Variants in EFR3B observed in about 807,000 individuals in gnomAD.
The protein encoded by EFR3B is protein EFR3 homolog B.
Under a neutral mutation model 104.7 loss-of-function variants are expected in EFR3B, and 64 were observed. That is an observed-to-expected ratio of 0.61 (90% CI 0.50 to 0.75). The LOEUF (loss-of-function observed/expected upper bound fraction) is 0.75. EFR3B is among the 30% of genes least tolerant of loss of function. The pLI is 0.00. For synonymous variants in EFR3B, 385 were observed against 417.9 expected (o/e 0.92, Z 0.96); for missense variants, 750 against 1,078.5 (o/e 0.70, Z 4.27).
chr2:25,052,852 G>A (rs569339156), intron 1 of EFR3B, among the ~76,000 whole-genome samples: 1 of 152,220 alleles, frequency 6.6e-6, no homozygotes, highest in African/African-American at 2.4e-5. Flanking sequence ...AAATTTGTCT[G>A]TACTAAGCAG....
chr2:25,111,048 G>A (rs1669712355), intron 4 of EFR3B, among the ~76,000 whole-genome samples: 1 of 152,154 alleles, frequency 6.6e-6, no homozygotes, highest in African/African-American at 2.4e-5. Flanking sequence ...CCTGTCTCTT[G>A]TATTTCCTGC....
At position 25,051,623 on chromosome 2, in the gene EFR3B, TTG is replaced by T. The variant is rs71392994; in HGVS notation, c.7+9318_7+9319del. Among the ~76,000 whole-genome samples the T allele has an allele frequency of 6.9e-4, 96 of 139,984 alleles. 1 individual carries two copies. Among genetic ancestry groups the T allele is most frequent in the East Asian group, 1.5e-3 (7 of 4,636 alleles). The allele number at this position is 139,984 out of a possible 152,430, so 91.8% of individuals were successfully genotyped here. A position where few individuals can be genotyped will look rare whatever the true frequency, so the allele number is the denominator to read the frequency against. On this transcript the variant is annotated intron_variant, in intron 1 of 22. Coordinates refer to ENST00000403714, the MANE Select transcript of EFR3B (RefSeq NM_014971.2). ...TGAAAGCAGAGAACACATTTCTCTT[TTG>T]TGTGTGTGTGTGTTTTTTTTTTTTT...
In EFR3B at chr2:25,143,867, G is replaced by A; in HGVS notation, c.2050+5G>A. On this transcript the variant is annotated splice_donor_5th_base_variant and intron_variant, in intron 18 of 22. Coordinates refer to ENST00000403714, the MANE Select transcript of EFR3B (RefSeq NM_014971.2). Reference sequence around the variant, plus strand: ...CCTACATTCCTCAGCTGACAGGTATGAGTTCTGTGCAGGGATGCCCGGGCC... The same window carrying A: ...CCTACATTCCTCAGCTGACAGGTATAAGTTCTGTGCAGGGATGCCCGGGCC... 1 of 1,551,498 alleles carries A rather than the reference G, an allele frequency of 6.4e-7. No individual in the cohort carries two copies. Among genetic ancestry groups the A allele is most frequent in the Non-Finnish European group, 8.7e-7 (1 of 1,146,872 alleles).
intron 1 of EFR3B, among the ~76,000 whole-genome samples, chr2:25,045,819 T>C (rs1667700103): frequency 1.3e-5 from 2 of 151,708 alleles, no homozygotes; most frequent in Non-Finnish European, 2.9e-5. Context: ...AGAGTTTCCC[T>C]GTTGCTCTCA....
intron 18 of EFR3B, among the ~76,000 whole-genome samples, 184 bp from the exon 19 acceptor site, chr2:25,144,776 A>G (rs1469920403): frequency 2.6e-5 from 4 of 152,212 alleles, no homozygotes; most frequent in Non-Finnish European, 4.4e-5. Flanking sequence ...CCACCCTAAG[A>G]TGGACAGAGA....
At chr2:25,132,309 T>G (rs1041251486) in intron 10 of EFR3B, among the ~76,000 whole-genome samples, 8 of 152,088 alleles carry the variant, frequency 5.3e-5, no homozygotes, top group Non-Finnish European at 4.4e-5. Flanking sequence ...CCATCAGACC[T>G]GCCTGATGCT....
chr2:25,093,101 C>G lies in EFR3B; in HGVS notation c.183C>G (p.Leu61=). Residue 61 remains leucine (L), a synonymous_variant, in exon 3 of 23, where the codon CTC becomes CTG. Transcript: ENST00000403714. The part of the protein sequence containing the change: ...DRIGAYLSER[L]IRDVGRHRYG... The stretch of plus-strand genomic sequence containing the variant: ...TTGGCGCCTACCTCTCTGAGAGGCT[C>G]ATCCGTGACGTGGGTCGCCATCGAT... 1 of 1,551,914 alleles carries G rather than the reference C, an allele frequency of 6.4e-7. No individual in the cohort carries two copies. Among genetic ancestry groups the G allele is most frequent in the Non-Finnish European group, 8.7e-7 (1 of 1,147,124 alleles).
intron 1 of EFR3B, among the ~76,000 whole-genome samples, chr2:25,057,169 T>A (rs1668044020): frequency 6.6e-6 from 1 of 152,112 alleles, no homozygotes; most frequent in South Asian, 2.1e-4. Context: ...CAGGGATAAT[T>A]CTCCCTTTGT....
rs1671183455 is a variant in EFR3B, at chr2:25,156,866, C to T, written c.*2526C>T. 6.6e-6 allele frequency: 1 copy of T among 152,222 alleles called. No homozygotes were observed. Among genetic ancestry groups the T allele is most frequent in the South Asian group, 2.1e-4 (1 of 4,834 alleles). The allele number at this position is 152,222 out of a possible 1,614,324, so 9.4% of individuals were successfully genotyped here. A position where few individuals can be genotyped will look rare whatever the true frequency, so the allele number is the denominator to read the frequency against. Reference sequence around the variant, plus strand: ...ATGTTCTTTCCTCACTAGCTCCTCCCAGGTTTTATCCTGCACCCAGCTTGG... The same window carrying T: ...ATGTTCTTTCCTCACTAGCTCCTCCTAGGTTTTATCCTGCACCCAGCTTGG... On this transcript the variant is annotated 3_prime_UTR_variant, in exon 23 of 23. Transcript: ENST00000403714.
At position 25,126,851 on chromosome 2, in the gene EFR3B, CAT is replaced by C. The variant is rs1670181701; in HGVS notation, c.486-1330_486-1329del. On this transcript the variant is annotated intron_variant, in intron 5 of 22. Coordinates refer to ENST00000403714, the MANE Select transcript of EFR3B (RefSeq NM_014971.2). Reference sequence around the variant, plus strand: ...TTCCACTCATGGCAATGACTTGAAACATAGTAAAATATTTCATACAATGATGC... The same window carrying C: ...TTCCACTCATGGCAATGACTTGAAACAGTAAAATATTTCATACAATGATGC... Among the ~76,000 whole-genome samples the C allele has an allele frequency of 2.0e-5, 3 of 151,418 alleles. 1 individual carries two copies. Among genetic ancestry groups the C allele is most frequent in the South Asian group, 4.2e-4 (2 of 4,706 alleles).
At chr2:25,113,662 T>G (rs1435747817) in intron 4 of EFR3B, among the ~76,000 whole-genome samples, 3 of 140,520 alleles carry the variant, frequency 2.1e-5, no homozygotes, top group Non-Finnish European at 4.6e-5. Flanking sequence ...AGTGAGACTC[T>G]GTCTCAAAAA....
intron 17 of EFR3B, 47 bp downstream of exon 17, chr2:25,141,480 A>T: frequency 6.5e-7 from 1 of 1,545,684 alleles, no homozygotes; most frequent in Non-Finnish European, 8.7e-7. Context: ...AGGGCAGCTG[A>T]GTAAGCAGGT....
chr2:25,105,633 G>A (rs1041856293), intron 4 of EFR3B, among the ~76,000 whole-genome samples: 1 of 152,196 alleles, frequency 6.6e-6, no homozygotes, highest in East Asian at 1.9e-4. Context: ...TATACTAACT[G>A]AGGGGAAAGT....
chr2:25,053,112 A>G (rs914789660), intron 1 of EFR3B, among the ~76,000 whole-genome samples: 3 of 152,108 alleles, frequency 2.0e-5, no homozygotes, highest in Admixed American at 6.5e-5. Flanking sequence ...AGCTCACTGT[A>G]TTTCAGACTC....
chr2:25,135,502 A>G lies in EFR3B; in HGVS notation c.1347A>G (p.Ser449=). The change falls in exon 13 of 23, where the codon TCA becomes TCG. Residue 449 remains serine, a synonymous_variant. Transcript: ENST00000403714. The part of the protein sequence containing the change: ...STGFQCNNMM[S]ALPSNFLDRL... ...GTTTCCAGTGCAACAACATGATGTCAGCCCTGCCTAGCAACTTCCTGGACC... is the reference window on the plus strand; with the variant it reads ...GTTTCCAGTGCAACAACATGATGTCGGCCCTGCCTAGCAACTTCCTGGACC... 6.4e-7 allele frequency: 1 copy of G among 1,551,766 alleles called. No homozygotes were observed. The highest frequency in any genetic ancestry group is 1.4e-5 in the African/African-American group (1 of 73,164).
At chr2:25,046,827 A>C (rs1667734702) in intron 1 of EFR3B, among the ~76,000 whole-genome samples, 2 of 152,150 alleles carry the variant, frequency 1.3e-5, no homozygotes, top group South Asian at 4.1e-4. Context: ...TACTCTGCAG[A>C]AATCTCCATA....
At chr2:25,120,278 G>A (rs943912851) in intron 4 of EFR3B, among the ~76,000 whole-genome samples, 4 of 152,044 alleles carry the variant, frequency 2.6e-5, no homozygotes, top group African/African-American at 9.7e-5. Context: ...TTGAACCCGA[G>A]AGGAGGAAGT....
intron 4 of EFR3B, 133 bp downstream of exon 4, chr2:25,103,920 C>A: frequency 1.9e-6 from 2 of 1,080,456 alleles, no homozygotes; most frequent in Non-Finnish European, 2.6e-6. Context: ...TGACACACTG[C>A]TTGTTTTAGG....
intron 20 of EFR3B, among the ~76,000 whole-genome samples, chr2:25,151,068 A>C (rs956386182): frequency 5.9e-5 from 9 of 152,036 alleles, no homozygotes; most frequent in African/African-American, 1.7e-4. Flanking sequence ...AAAAAAAAAA[A>C]AAAAAACTCA....
Sources: allele counts gnomAD v4.1 joint callset (sites outside exome capture counted in the v4.1 genomes callset), GRCh38; gene constraint gnomAD v4.1.1; transcripts MANE v1.5; gene names NCBI Gene and HGNC (gene_info 2026-07-23, HGNC 2026-07-21).